Variants in RBBP4 observed in about 807,000 individuals in gnomAD.
The protein encoded by RBBP4 is histone-binding protein RBBP4.
In RBBP4, 3 loss-of-function variants were observed where a neutral mutation model predicts 57.2. That is an observed-to-expected ratio of 0.05 (90% CI 0.02 to 0.14). The LOEUF is 0.14. Ranked by LOEUF, RBBP4 falls within the 10% of genes least tolerant of loss-of-function variation. The probability of loss-of-function intolerance (pLI) is 1.00; values close to 1 mark genes in which losing one functional copy is unlikely to be tolerated. For synonymous variants in RBBP4, 151 were observed against 171.5 expected, an observed-to-expected ratio of 0.88 and a Z score of 0.93; for missense variants, 107 against 520.6, an observed-to-expected ratio of 0.21 and a Z score of 7.73.
At chr1:32,676,717 A>G (rs1405223152) in intron 11 of RBBP4, among the ~76,000 whole-genome samples, 1 of 152,120 alleles carries the variant, frequency 6.6e-6, no homozygotes, top group Non-Finnish European at 1.5e-5. Flanking sequence ...TTTACAAAAA[A>G]GATGTGTAAC....
At chr1:32,653,262 CAAAG>C (rs1647970875) in intron 2 of RBBP4, among the ~76,000 whole-genome samples, 2 of 151,976 alleles carry the variant, frequency 1.3e-5, no homozygotes, top group African/African-American at 2.4e-5. Flanking sequence ...ATGCAAAAAA[CAAAG>C]AGGAGGGTAA....
chr1:32,651,342 C>T lies in RBBP4; in HGVS notation c.16+20C>T, dbSNP rs1443719228. 2 of 1,446,406 alleles carry T rather than the reference C, an allele frequency of 1.4e-6. No individual in the cohort carries two copies. The highest frequency in any genetic ancestry group is 2.9e-5 in the Admixed American group (1 of 34,842). The allele number at this position is 1,446,406 out of a possible 1,614,324, so 89.6% of individuals were successfully genotyped here. A position where few individuals can be genotyped will look rare whatever the true frequency, so the allele number is the denominator to read the frequency against. The stretch of plus-strand genomic sequence containing the variant: ...AGGAAGGTGAGGGTGCCGGGGCCGA[C>T]CCAGGAGGGCAGTGGGTGCCTGGGC... On this transcript the variant is annotated intron_variant, in intron 1 of 11. Coordinates refer to ENST00000373493, the MANE Select transcript of RBBP4 (RefSeq NM_005610.3).
At chr1:32,678,824 A>C (rs769748964) in intron 11 of RBBP4, among the ~76,000 whole-genome samples, 1 of 150,876 alleles carries the variant, frequency 6.6e-6, no homozygotes, top group Non-Finnish European at 1.5e-5. Context: ...TCATGACCTC[A>C]AGTGATCTGT....
intron 3 of RBBP4, among the ~76,000 whole-genome samples, chr1:32,658,905 G>A (rs540877505): frequency 6.9e-6 from 1 of 144,044 alleles, no homozygotes; most frequent in Non-Finnish European, 1.5e-5. Flanking sequence ...AAAATTATAT[G>A]TGTAATTTTA....
At position 32,681,182 on chromosome 1, in the gene RBBP4, A is replaced by C. The variant is rs917018071; in HGVS notation, c.*1477A>C. 1.3e-5 allele frequency: 2 copies of C among 152,452 alleles called. No homozygotes were observed. Among genetic ancestry groups the C allele is most frequent in the Admixed American group, 1.3e-4 (2 of 15,280 alleles). 9.4% of individuals were successfully genotyped at this position (152,452 alleles called of 1,614,324 possible). Reference sequence around the variant, plus strand: ...GAGTAGATCATTCTGACCCAGAACTACTTTCATGAGGTAAGATCTTTGGGA... The same window carrying C: ...GAGTAGATCATTCTGACCCAGAACTCCTTTCATGAGGTAAGATCTTTGGGA... On this transcript the variant is annotated 3_prime_UTR_variant, in exon 12 of 12. Transcript: ENST00000373493.
chr1:32,684,295 G>T lies in RBBP4; in HGVS notation c.*4590G>T, dbSNP rs764859198. 1 of 1,614,186 alleles carries T rather than the reference G, an allele frequency of 6.2e-7. No homozygotes were observed. Among genetic ancestry groups the T allele is most frequent in the South Asian group, 1.1e-5 (1 of 91,086 alleles). On this transcript the variant is annotated 3_prime_UTR_variant, in exon 12 of 12. Transcript: ENST00000373493. ...AGCTCTTCAGCAAGACTGAGCCTTA[G>T]CTGTTCCATCTCTTTGTTCTTCTGT...
At chr1:32,651,366 G>T in intron 1 of RBBP4, 44 bp downstream of exon 1, 1 of 1,410,756 alleles carries the variant, frequency 7.1e-7, no homozygotes, top group Non-Finnish European at 9.2e-7. Context: ...GGGTGCCTGG[G>T]CTGAGCCGCG....
At chr1:32,665,488 G>T (rs779755524) in intron 3 of RBBP4, among the ~76,000 whole-genome samples, 2 of 151,948 alleles carry the variant, frequency 1.3e-5, no homozygotes, top group African/African-American at 2.4e-5. Context: ...GACCAGTCTG[G>T]CCAACATGAT....
At position 32,683,948 on chromosome 1, in the gene RBBP4, A is replaced by G; in HGVS notation, c.*4243A>G. The G allele has an allele frequency of 6.5e-7, 1 of 1,534,022 alleles. No homozygotes were observed. The highest frequency in any genetic ancestry group is 9.0e-7 in the Non-Finnish European group (1 of 1,109,302). The stretch of plus-strand genomic sequence containing the variant: ...CCGTCCGGCCTGTTTTTAAGGCATT[A>G]ATTAGTATTGTTAGGAAAGCAGTAA... On this transcript the variant is annotated 3_prime_UTR_variant, in exon 12 of 12. Coordinates refer to ENST00000373493, the MANE Select transcript of RBBP4 (RefSeq NM_005610.3).
chr1:32,653,904 C>T (rs1257905731), intron 2 of RBBP4, among the ~76,000 whole-genome samples: 2 of 151,770 alleles, frequency 1.3e-5, no homozygotes, highest in Non-Finnish European at 1.5e-5. Flanking sequence ...ATGATCCACC[C>T]GCCTCGGCCT....
intron 8 of RBBP4, among the ~76,000 whole-genome samples, chr1:32,670,285 C>T (rs1359990127): frequency 2.0e-5 from 3 of 152,176 alleles, no homozygotes; most frequent in Non-Finnish European, 4.4e-5. Flanking sequence ...ATATATTCTT[C>T]ATCCTTCATT....
Position 32,681,682 on chromosome 1 carries a change from G to GC in RBBP4, c.*1977_*1978insC, listed in dbSNP as rs1649445910. On this transcript the variant is annotated 3_prime_UTR_variant, in exon 12 of 12. Coordinates refer to ENST00000373493, the MANE Select transcript of RBBP4 (RefSeq NM_005610.3). The stretch of plus-strand genomic sequence containing the variant: ...CATGTTCTGCCTCCGGCCAACTCTA[G>GC]AATCTTTTTAAGCAGGTCAGCCAGT... 9.8e-7 allele frequency: 1 copy of GC among 1,016,486 alleles called. No homozygotes were observed. The highest frequency in any genetic ancestry group is 1.6e-5 in the African/African-American group (1 of 61,950). 63.0% of individuals were successfully genotyped at this position (1,016,486 alleles called of 1,614,324 possible).
At chr1:32,677,717 C>T (rs1649165805) in intron 11 of RBBP4, among the ~76,000 whole-genome samples, 1 of 132,302 alleles carries the variant, frequency 7.6e-6, no homozygotes, top group African/African-American at 2.8e-5. Context: ...TTGAGTTGTA[C>T]ACCCAGTTGG....
intron 2 of RBBP4, 83 bp from the exon 3 acceptor site, chr1:32,657,344 G>A: frequency 7.4e-7 from 1 of 1,348,466 alleles, no homozygotes; most frequent in East Asian, 2.4e-5. Flanking sequence ...TTGTATTAGT[G>A]ACTTTGACAT....
intron 2 of RBBP4, among the ~76,000 whole-genome samples, chr1:32,654,240 G>C (rs1648037639): frequency 6.6e-6 from 1 of 152,078 alleles, no homozygotes; most frequent in African/African-American, 2.4e-5. Context: ...CGGGCATGGT[G>C]GTGCGTACCT....
chr1:32,685,553 G>A lies in RBBP4; in HGVS notation c.*5848G>A, dbSNP rs1649764461. The A allele has an allele frequency of 6.6e-6, 1 of 152,216 alleles. No homozygotes were observed. Among genetic ancestry groups the A allele is most frequent in the African/African-American group, 2.4e-5 (1 of 41,452 alleles). The allele number at this position is 152,216 out of a possible 1,614,324, so 9.4% of individuals were successfully genotyped here. On this transcript the variant is annotated 3_prime_UTR_variant, in exon 12 of 12. Transcript: ENST00000373493. The stretch of plus-strand genomic sequence containing the variant: ...TGTCCTCTGAGTCATACTTGACATT[G>A]TACCTGTGGCACATCAATCCGCACT...
intron 8 of RBBP4, among the ~76,000 whole-genome samples, chr1:32,671,829 G>GT (rs1204957738): frequency 1.3e-5 from 2 of 151,968 alleles, no homozygotes; most frequent in Admixed American, 1.3e-4. Context: ...GGAGGTGGAG[G>GT]TTTCAGTGAG....
intron 11 of RBBP4, among the ~76,000 whole-genome samples, chr1:32,678,151 C>G (rs924722302): frequency 1.3e-5 from 2 of 152,162 alleles, no homozygotes; most frequent in African/African-American, 4.8e-5. Context: ...AAAAGAAACC[C>G]TGTACCCATT....
At chr1:32,678,841 C>T (rs1483442338) in intron 11 of RBBP4, among the ~76,000 whole-genome samples, 1 of 151,248 alleles carries the variant, frequency 6.6e-6, no homozygotes, top group Non-Finnish European at 1.5e-5. Flanking sequence ...CTGTCTGCCT[C>T]AGCCTCCCAA....
Sources: allele counts gnomAD v4.1 joint callset (sites outside exome capture counted in the v4.1 genomes callset), GRCh38; gene constraint gnomAD v4.1.1; transcripts MANE v1.5; gene names NCBI Gene and HGNC (gene_info 2026-07-23, HGNC 2026-07-21).